RASIP1: variants seen among roughly 807,000 people sequenced by gnomAD.
RASIP1 encodes ras-interacting protein 1.
A neutral mutation model predicts 85.3 loss-of-function variants in RASIP1; 20 were observed. The observed-to-expected ratio is 0.23, with a 90% CI of 0.17 to 0.34. The LOEUF (loss-of-function observed/expected upper bound fraction) is 0.34. Among genes scored for constraint, RASIP1 ranks in the 10% least tolerant of loss-of-function variants. The pLI, the probability that RASIP1 is intolerant of heterozygous loss-of-function variation, is 1.00. For synonymous variants in RASIP1, 617 were observed against 647.1 expected (o/e 0.95, Z 0.71); for missense variants, 1,170 against 1,390.9 (o/e 0.84, Z 2.53).
intron 3 of RASIP1, chr19:48,737,661 C>T (rs2033597603): frequency 1.0e-6 from 1 of 985,262 alleles, no homozygotes; most frequent in Non-Finnish European, 1.2e-6. Context: ...TTCTATACTC[C>T]ACCCACATAG....
Position 48,724,008 on chromosome 19 carries a change from A to C in RASIP1, c.2544+329T>G, listed in dbSNP as rs2033297926. Among the ~76,000 whole-genome samples the C allele has an allele frequency of 6.6e-6, 1 of 152,136 alleles. No homozygotes were observed. Among genetic ancestry groups the C allele is most frequent in the Admixed American group, 6.5e-5 (1 of 15,268 alleles). ...TTTTTAGTAGAGACAGCGTTTCGCC[A>C]TGTTGGCCAGGCTGGTCTCAAACTC... On this transcript the variant is annotated intron_variant, in intron 10 of 11. Coordinates refer to ENST00000222145, the MANE Select transcript of RASIP1 (RefSeq NM_017805.3). The surrounding 1 kb of genome is among the most constrained non-coding windows in gnomAD (Gnocchi z 4.6).
Position 48,724,752 on chromosome 19 carries a change from GAGA to G in RASIP1, c.2333_2335del (p.Phe778del). ...CAGCGAGTTGAGAAGGGATGCGTTG[GAGA>G]AGAAGAACAAGTAGCCAAAAGTCTG... On this transcript the variant is annotated inframe_deletion, in exon 9 of 12. Transcript: ENST00000222145. The surrounding 1 kb of genome is among the most constrained non-coding windows in gnomAD (Gnocchi z 4.6). 4 of 1,614,196 alleles carry G rather than the reference GAGA, an allele frequency of 2.5e-6. No individual in the cohort carries two copies. Among genetic ancestry groups the G allele is most frequent in the Non-Finnish European group, 2.5e-6 (3 of 1,180,042 alleles).
chr19:48,732,308 TGCAGTGGCGCGATCTCG>T (rs1454894758), intron 4 of RASIP1, among the ~76,000 whole-genome samples: 2 of 151,420 alleles, frequency 1.3e-5, no homozygotes, highest in East Asian at 3.9e-4. Flanking sequence ...CAGGCTGGAG[TGCAGTGGCGCGATCTCG>T]GCTCACTACA....
chr19:48,729,305 C>A lies in RASIP1; in HGVS notation c.1465G>T (p.Asp489Tyr). The A allele has an allele frequency of 1.9e-6, 3 of 1,556,614 alleles. No homozygotes were observed. The highest frequency in any genetic ancestry group is 2.6e-6 in the Non-Finnish European group (3 of 1,150,976). ...LGEHFLFMYK[D>Y]PRTGGSGPAR... ...GGCCCCGAGCCCCCAGTGCGGGGGTCCTTGTACATGAACAGGAAGTGCTCG... is the reference window on the plus strand; with the variant it reads ...GGCCCCGAGCCCCCAGTGCGGGGGTACTTGTACATGAACAGGAAGTGCTCG... Residue 489 changes from aspartate (D) to tyrosine (Y), a missense_variant, in exon 5 of 12, where the codon GAC becomes TAC. Physicochemically the swap from Asp to Tyr is radical, Grantham distance 160. Around this residue, in one of 4 missense-constraint regions of RASIP1, gnomAD observed 426 missense variants for 576.2 expected, o/e 0.74. Coordinates refer to ENST00000222145, the MANE Select transcript of RASIP1 (RefSeq NM_017805.3).
intron 8 of RASIP1, 79 bp downstream of exon 8, chr19:48,726,706 T>C: frequency 1.7e-6 from 2 of 1,151,280 alleles, no homozygotes; most frequent in Admixed American, 4.4e-5. Context: ...AGAAGTGATG[T>C]TACCACAAAC....
intron 4 of RASIP1, among the ~76,000 whole-genome samples, chr19:48,733,512 T>G (rs1161114310): frequency 1.3e-5 from 2 of 151,782 alleles, no homozygotes; most frequent in Admixed American, 1.3e-4. Flanking sequence ...CTTCTAAAAA[T>G]GGGTCAGTGC....
In RASIP1 at chr19:48,740,247, G is replaced by T. The variant is rs775601587; in HGVS notation, c.36C>A (p.Pro12=). The stretch of plus-strand genomic sequence containing the variant: ...CGGGGAGATGAAGCTTCCCGAAGCG[G>T]GGGCTTCCGCCCTCCTTCCGTTCAC... ...LSGERKEGGS[P]RFGKLHLPVG... The change falls in exon 2 of 12, where the codon CCC becomes CCA. Residue 12 remains proline, a synonymous_variant. Transcript: ENST00000222145. The surrounding 1 kb of genome is among the most constrained non-coding windows in gnomAD (Gnocchi z 5.5). The T allele has an allele frequency of 6.3e-7, 1 of 1,588,114 alleles. No homozygotes were observed. The highest frequency in any genetic ancestry group is 1.1e-5 in the South Asian group (1 of 88,840).
chr19:48,735,982 G>C (rs1429431987), intron 3 of RASIP1, among the ~76,000 whole-genome samples: 6 of 151,238 alleles, frequency 4.0e-5, no homozygotes, highest in Non-Finnish European at 8.8e-5. Context: ...TTTTAGTATA[G>C]ATGGGTTTTC....
Position 48,724,572 on chromosome 19 carries a change from ACT to A in RASIP1, c.2372-65_2372-64del. The A allele has an allele frequency of 1.3e-6, 2 of 1,581,152 alleles. No homozygotes were observed. Among genetic ancestry groups the A allele is most frequent in the Non-Finnish European group, 1.7e-6 (2 of 1,158,344 alleles). Reference sequence around the variant, plus strand: ...TGGACTCTGTGCTCCTGCCTCCCAGACTCTTCCTATCCTTCAGCCTGGGATCT... The same window carrying A: ...TGGACTCTGTGCTCCTGCCTCCCAGACTTCCTATCCTTCAGCCTGGGATCT... On this transcript the variant is annotated intron_variant, in intron 9 of 11. Transcript: ENST00000222145. The surrounding 1 kb of genome is among the most constrained non-coding windows in gnomAD (Gnocchi z 4.6).
At chr19:48,722,479 G>A (rs1017297494) in intron 10 of RASIP1, among the ~76,000 whole-genome samples, 7 of 151,714 alleles carry the variant, frequency 4.6e-5, no homozygotes, top group Admixed American at 3.3e-4. Flanking sequence ...ACAGGCACAC[G>A]CCACCACACC....
intron 4 of RASIP1, 123 bp downstream of exon 4, chr19:48,735,073 A>G: frequency 1.1e-6 from 1 of 874,676 alleles, no homozygotes; most frequent in Non-Finnish European, 1.7e-6. Flanking sequence ...TTGAGGGACC[A>G]CGCCCCACTA....
intron 3 of RASIP1, among the ~76,000 whole-genome samples, chr19:48,736,143 C>A (rs1004157242): frequency 6.6e-6 from 1 of 151,142 alleles, no homozygotes; most frequent in Admixed American, 6.6e-5. Context: ...AGGCCGGGTG[C>A]GGTGGCTCAC....
chr19:48,734,486 C>CTTT (rs35517837), intron 4 of RASIP1, among the ~76,000 whole-genome samples: 6 of 83,714 alleles, frequency 7.2e-5, no homozygotes, highest in African/African-American at 3.2e-4. Flanking sequence ...GCTTTTTTTT[C>CTTT]TTTCTTTTTT....
chr19:48,735,454 C>T lies in RASIP1; in HGVS notation c.921G>A (p.Gly307=). 6.3e-7 allele frequency: 1 copy of T among 1,593,154 alleles called. No homozygotes were observed. Among genetic ancestry groups the T allele is most frequent in the Non-Finnish European group, 8.5e-7 (1 of 1,170,330 alleles). Residue 307 remains glycine (G), a synonymous_variant, in exon 4 of 12, where the codon GGG becomes GGA. Transcript: ENST00000222145. The stretch of plus-strand genomic sequence containing the variant: ...CCTTGCCTCCAGACCCAGCTGGGGC[C>T]CCTGATCCGGTCCCCGGGCCAGGAC... ...LASPGPGTGS[G]APAGSGGKER...
chr19:48,728,976 C>A lies in RASIP1; in HGVS notation c.1794G>T (p.Leu598=). 6.9e-7 allele frequency: 1 copy of A among 1,457,046 alleles called. No homozygotes were observed. The highest frequency in any genetic ancestry group is 1.3e-5 in the South Asian group (1 of 75,612). 90.3% of individuals were successfully genotyped at this position (1,457,046 alleles called of 1,614,324 possible). The change falls in exon 5 of 12, where the codon CTG becomes CTT. Residue 598 remains leucine (L), a synonymous_variant. Transcript: ENST00000222145. The stretch of plus-strand genomic sequence containing the variant: ...TGATGAGCCGGGCCAGGCGGCCCAG[C>A]AGTCGTGGCAGGTGGCCCAGCTCCA... ...RELELGHLPR[L]LGRLARLIKE... is the part of the protein sequence containing the mutation.
chr19:48,724,263 C>T lies in RASIP1; in HGVS notation c.2544+74G>A, dbSNP rs1380181265. 2 of 1,492,652 alleles carry T rather than the reference C, an allele frequency of 1.3e-6. No homozygotes were observed. The highest frequency in any genetic ancestry group is 4.6e-5 in the East Asian group (2 of 43,786). The allele number at this position is 1,492,652 out of a possible 1,614,324, so 92.5% of individuals were successfully genotyped here. On this transcript the variant is annotated intron_variant, in intron 10 of 11. Transcript: ENST00000222145. The surrounding 1 kb of genome is among the most constrained non-coding windows in gnomAD (Gnocchi z 4.6). Reference sequence around the variant, plus strand: ...GTTCAAGGGGAGCTCTGACGGTGAGCTGAATATAGAAGGTGGCTGAGGGGG... The same window carrying T: ...GTTCAAGGGGAGCTCTGACGGTGAGTTGAATATAGAAGGTGGCTGAGGGGG...
intron 3 of RASIP1, chr19:48,737,889 C>A: frequency 1.0e-6 from 1 of 985,366 alleles, no homozygotes. Flanking sequence ...CTTACTCTTC[C>A]GGCTCCTAGG....
chr19:48,720,921 A>T lies in RASIP1; in HGVS notation c.2769T>A (p.Gly923=). ...PLGSSRLRLT[G]PVTDDALHRE... Reference sequence around the variant, plus strand: ...GGTGCAAGGCATCGTCCGTCACTGGACCAGTGAGGCGCAGGCGCGAGCTCC... The same window carrying T: ...GGTGCAAGGCATCGTCCGTCACTGGTCCAGTGAGGCGCAGGCGCGAGCTCC... Residue 923 remains glycine, a synonymous_variant, in exon 12 of 12, where the codon GGT becomes GGA. Coordinates refer to ENST00000222145, the MANE Select transcript of RASIP1 (RefSeq NM_017805.3). 1 of 1,613,710 alleles carries T rather than the reference A, an allele frequency of 6.2e-7. No homozygotes were observed. Among genetic ancestry groups the T allele is most frequent in the Non-Finnish European group, 8.5e-7 (1 of 1,179,904 alleles).
In RASIP1 at chr19:48,728,949, CT is replaced by C; in HGVS notation, c.1820del (p.Lys607ArgfsTer28). ...RLLGRLARLI[K>X]EAVWEKIKEI... ...GGGGGGCGCTCACCCAGACGGCCTC[CT>C]TGATGAGCCGGGCCAGGCGGCCCAG... On this transcript the variant is annotated frameshift_variant, in exon 5 of 12. Coordinates refer to ENST00000222145, the MANE Select transcript of RASIP1 (RefSeq NM_017805.3). LOFTEE classifies it high-confidence loss of function. The C allele has an allele frequency of 6.9e-7, 1 of 1,451,818 alleles. No homozygotes were observed. The highest frequency in any genetic ancestry group is 3.0e-5 in the Admixed American group (1 of 32,988). 89.9% of individuals were successfully genotyped at this position (1,451,818 alleles called of 1,614,324 possible). A position where few individuals can be genotyped will look rare whatever the true frequency, so the allele number is the denominator to read the frequency against.
Sources: allele counts gnomAD v4.1 joint callset (sites outside exome capture counted in the v4.1 genomes callset), GRCh38; gene constraint gnomAD v4.1.1; regional missense constraint gnomAD v4.1.1; non-coding constraint Gnocchi (gnomAD v3.1); transcripts MANE v1.5; gene names NCBI Gene and HGNC (gene_info 2026-07-23, HGNC 2026-07-21).